Variants in PTPRQ observed in about 807,000 individuals in gnomAD.
PTPRQ encodes phosphatidylinositol phosphatase PTPRQ.
In PTPRQ, 199 loss-of-function variants were observed where a neutral mutation model predicts 246.0. The observed-to-expected ratio is 0.81, with a 90% CI of 0.72 to 0.91. PTPRQ has a LOEUF of 0.91. Among genes scored for constraint, PTPRQ ranks in the 40% least tolerant of loss-of-function variants. PTPRQ has a pLI of 0.00. For synonymous variants in PTPRQ, 869 were observed against 853.2 expected (o/e 1.02, Z -0.32); for missense variants, 2,624 against 2,528.4 (o/e 1.04, Z -0.81).
chr12:80,618,991 T>C (rs1279213216), intron 30 of PTPRQ, among the ~76,000 whole-genome samples: 2 of 151,550 alleles, frequency 1.3e-5, no homozygotes, highest in African/African-American at 4.8e-5. Flanking sequence ...GGGGTGCTAG[T>C]ATGACTAGAA....
At chr12:80,501,003 A>G (rs892761651) in intron 14 of PTPRQ, among the ~76,000 whole-genome samples, 5 of 151,926 alleles carry the variant, frequency 3.3e-5, no homozygotes, top group Non-Finnish European at 7.4e-5. Flanking sequence ...AGTGATATTA[A>G]TGAGGTACAG....
At chr12:80,479,343 A>C (rs1262157917) in intron 8 of PTPRQ, among the ~76,000 whole-genome samples, 1 of 151,628 alleles carries the variant, frequency 6.6e-6, no homozygotes, top group Non-Finnish European at 1.5e-5. Context: ...TTTTGTCACC[A>C]CCAGGCCTGC....
intron 39 of PTPRQ, among the ~76,000 whole-genome samples, chr12:80,663,533 C>T (rs770052526): frequency 7.9e-5 from 12 of 152,060 alleles, no homozygotes; most frequent in Non-Finnish European, 1.5e-5. Flanking sequence ...ATAGGACACA[C>T]CATTGCTCTT....
intron 8 of PTPRQ, among the ~76,000 whole-genome samples, chr12:80,480,498 G>A (rs1458039340): frequency 4.7e-5 from 7 of 147,682 alleles, no homozygotes; most frequent in South Asian, 2.2e-4. Context: ...TCAAAAGCTA[G>A]CAGAAGGCAA....
At chr12:80,631,771 C>A (rs1263477635) in intron 33 of PTPRQ, among the ~76,000 whole-genome samples, 4 of 152,168 alleles carry the variant, frequency 2.6e-5, no homozygotes, top group Non-Finnish European at 5.9e-5. Flanking sequence ...GAGTGTCCAT[C>A]AACTGAGAGG....
intron 9 of PTPRQ, among the ~76,000 whole-genome samples, chr12:80,487,547 T>C (rs1333289043): frequency 6.6e-6 from 1 of 152,228 alleles, no homozygotes; most frequent in East Asian, 1.9e-4. Flanking sequence ...ATTTATGGCA[T>C]TGATATATGT....
intron 5 of PTPRQ, among the ~76,000 whole-genome samples, chr12:80,460,214 C>T (rs1308328424): frequency 6.6e-6 from 1 of 152,140 alleles, no homozygotes; most frequent in African/African-American, 2.4e-5. Flanking sequence ...AGTTCTAATA[C>T]ACGCACACAC....
chr12:80,513,755 C>T (rs1229881967), intron 17 of PTPRQ, among the ~76,000 whole-genome samples: 1 of 152,124 alleles, frequency 6.6e-6, no homozygotes, highest in Admixed American at 6.5e-5. Flanking sequence ...GCAGTCACGG[C>T]TTCCAGTTTC....
At chr12:80,641,767 G>A (rs191930862) in intron 35 of PTPRQ, among the ~76,000 whole-genome samples, 20 of 152,034 alleles carry the variant, frequency 1.3e-4, no homozygotes, top group Admixed American at 5.9e-4. Context: ...ACTCAGAGGC[G>A]GTTTGGTTGA....
Position 80,468,712 on chromosome 12 carries a change from C to G in PTPRQ, c.913C>G (p.Pro305Ala), listed in dbSNP as rs1301439885. Residue 305 changes from proline (P) to alanine (A), a missense_variant and splice_region_variant, in exon 7 of 45, where the codon CCT (proline) becomes GCT (alanine). Physicochemically the swap from Pro to Ala is conservative, Grantham distance 27. Coordinates refer to ENST00000644991, the MANE Select transcript of PTPRQ (RefSeq NM_001145026.2). Reference protein sequence around the residue: ...STIVRTPESVPEGPPQNCVTG... With the variant: ...STIVRTPESVAEGPPQNCVTG... ...TTTATTTTCTATAATTATTTTAGTG[C>G]CTGAAGGACCACCACAAAACTGCGT... 1 of 1,533,352 alleles carries G rather than the reference C, an allele frequency of 6.5e-7. No individual in the cohort carries two copies. The highest frequency in any genetic ancestry group is 1.4e-5 in the African/African-American group (1 of 72,340). The allele number at this position is 1,533,352 out of a possible 1,614,324, so 95.0% of individuals were successfully genotyped here. A position where few individuals can be genotyped will look rare whatever the true frequency, so the allele number is the denominator to read the frequency against.
Position 80,620,229 on chromosome 12 carries a change from G to C in PTPRQ, c.5465G>C (p.Gly1822Ala), listed in dbSNP as rs1287057602. ...GCAAGGCCATATTTTACAAATGAAG[G>C]CTTTCCTAACCCTCCATGTACAGAA... Reference protein sequence around the residue: ...NKARPYFTNEGFPNPPCTEGK... With the variant: ...NKARPYFTNEAFPNPPCTEGK... Residue 1822 changes from glycine to alanine, a missense_variant, in exon 32 of 45, where the codon GGC (glycine) becomes GCC (alanine). Physicochemically the swap from Gly to Ala is moderately conservative, Grantham distance 60. Transcript: ENST00000644991. The C allele has an allele frequency of 7.7e-6, 12 of 1,549,030 alleles. No individual in the cohort carries two copies. The highest frequency in any genetic ancestry group is 1.0e-5 in the Non-Finnish European group (12 of 1,145,330).
In PTPRQ at chr12:80,610,484, G is replaced by A; in HGVS notation, c.4777G>A (p.Glu1593Lys). 1 of 1,524,050 alleles carries A rather than the reference G, an allele frequency of 6.6e-7. No individual in the cohort carries two copies. The highest frequency in any genetic ancestry group is 8.8e-7 in the Non-Finnish European group (1 of 1,130,584). 94.4% of individuals were successfully genotyped at this position (1,524,050 alleles called of 1,614,324 possible). Residue 1593 changes from glutamate (E) to lysine (K), a missense_variant, in exon 28 of 45, where the codon GAA (glutamate) becomes AAA (lysine). Physicochemically the swap from Glu to Lys is moderately conservative, Grantham distance 56. Transcript: ENST00000644991. Reference protein sequence around the residue: ...FNISFIKSNEENKTIEIKDLE... With the variant: ...FNISFIKSNEKNKTIEIKDLE... ...TATATCCTTCATCAAGTCAAATGAA[G>A]AAAATAAAACCATAGAAATTAAAGA...
intron 9 of PTPRQ, among the ~76,000 whole-genome samples, chr12:80,489,014 T>G (rs537270697): frequency 6.6e-6 from 1 of 152,048 alleles, no homozygotes; most frequent in Non-Finnish European, 1.5e-5. Flanking sequence ...TCAACTGTTA[T>G]AGGATATCTA....
chr12:80,631,003 C>T lies in PTPRQ; in HGVS notation c.5687-1189C>T, dbSNP rs138966659. On this transcript the variant is annotated intron_variant, in intron 33 of 44. Transcript: ENST00000644991. ...TGCTGGGATTATAGGCATGAGCCAC[C>T]GTGCCCAGCCCTGTTTATTAATTTC... Among the ~76,000 whole-genome samples, 448 of 152,216 alleles carry T rather than the reference C, an allele frequency of 2.9e-3. 5 individuals carry two copies. The highest frequency in any genetic ancestry group is 0.01 in the African/African-American group (434 of 41,538).
At chr12:80,667,140 A>G (rs188604632) in intron 39 of PTPRQ, among the ~76,000 whole-genome samples, 1 of 151,880 alleles carries the variant, frequency 6.6e-6, no homozygotes, top group East Asian at 1.9e-4. Context: ...CTTCCCCCTC[A>G]TTTACTCTAC....
chr12:80,480,783 A>C (rs1207383980), intron 8 of PTPRQ, among the ~76,000 whole-genome samples: 1 of 152,268 alleles, frequency 6.6e-6, no homozygotes, highest in Non-Finnish European at 1.5e-5. Flanking sequence ...GAAGGAATGA[A>C]TAAATTCCTC....
chr12:80,604,714 G>A (rs1288816829), intron 26 of PTPRQ, among the ~76,000 whole-genome samples: 1 of 151,496 alleles, frequency 6.6e-6, no homozygotes, highest in African/African-American at 2.4e-5. Flanking sequence ...TCTTAAAACA[G>A]CATTGCTAGG....
chr12:80,653,923 A>G (rs1210900272), intron 38 of PTPRQ, among the ~76,000 whole-genome samples: 1 of 152,198 alleles, frequency 6.6e-6, no homozygotes, highest in Non-Finnish European at 1.5e-5. Context: ...TCCTTTCTGC[A>G]ACAAAACAAA....
intron 35 of PTPRQ, among the ~76,000 whole-genome samples, chr12:80,646,753 G>C (rs1388631087): frequency 6.8e-6 from 1 of 146,914 alleles, no homozygotes; most frequent in Non-Finnish European, 1.5e-5. Context: ...GTATTTCTGC[G>C]AAAAAAAAAA....
Sources: gnomAD v4.1 joint callset for allele counts (sites outside exome capture counted in the v4.1 genomes callset) on GRCh38, gnomAD v4.1.1 for gene constraint, MANE v1.5 for transcripts, NCBI Gene and HGNC (gene_info 2026-07-23, HGNC 2026-07-21) for gene names.